The following FRMD4A variants were observed in gnomAD, a reference collection of about 807,000 sequenced individuals.
FRMD4A encodes the protein FERM domain-containing protein 4A.
FRMD4A carries 29 observed loss-of-function variants against 129.1 expected under a neutral mutation model. That is an observed-to-expected ratio of 0.22 (90% CI 0.17 to 0.31). The LOEUF (loss-of-function observed/expected upper bound fraction) is 0.31, where lower values mean the gene tolerates loss of function less well. Ranked by LOEUF, FRMD4A falls within the 10% of genes least tolerant of loss-of-function variation. The probability of loss-of-function intolerance (pLI) is 1.00; values close to 1 mark genes in which losing one functional copy is unlikely to be tolerated. For synonymous variants in FRMD4A, 634 were observed against 571.6 expected (o/e 1.11, Z -1.56); for missense variants, 1,272 against 1,375.8 (o/e 0.92, Z 1.19).
At position 13,657,177 on chromosome 10, in the gene FRMD4A, C is replaced by T; in HGVS notation, c.2412G>A (p.Leu804=). The T allele has an allele frequency of 6.7e-7, 1 of 1,499,894 alleles. No homozygotes were observed. Among genetic ancestry groups the T allele is most frequent in the Non-Finnish European group, 8.8e-7 (1 of 1,131,304 alleles). 92.9% of individuals were successfully genotyped at this position (1,499,894 alleles called of 1,614,324 possible). Residue 804 remains leucine, a synonymous_variant, in exon 22 of 25, where the codon CTG becomes CTA. Transcript: ENST00000357447. ...GSASSGSMPN[L]AARGGAGGAG... is the part of the protein sequence containing the mutation. Reference sequence around the variant, plus strand: ...CGCCCCCCGCACCCCCGCGCGCCGCCAGGTTGGGCATGCTGCCCGAGCTGG... The same window carrying T: ...CGCCCCCCGCACCCCCGCGCGCCGCTAGGTTGGGCATGCTGCCCGAGCTGG...
At chr10:13,928,451 C>T (rs992171707) in intron 2 of FRMD4A, among the ~76,000 whole-genome samples, 1 of 151,852 alleles carries the variant, frequency 6.6e-6, no homozygotes, top group African/African-American at 2.4e-5. Context: ...AAATTATTTA[C>T]ACAAGTATTT....
At chr10:13,977,800 C>T (rs957333612) in intron 2 of FRMD4A, among the ~76,000 whole-genome samples, 1 of 152,190 alleles carries the variant, frequency 6.6e-6, no homozygotes, top group African/African-American at 2.4e-5. Context: ...TTTCAAGATT[C>T]ATCCATATTG....
At chr10:13,786,321 A>T (rs941902539) in intron 5 of FRMD4A, among the ~76,000 whole-genome samples, 1 of 152,224 alleles carries the variant, frequency 6.6e-6, no homozygotes, top group Non-Finnish European at 1.5e-5. Flanking sequence ...TTTTCAAAAA[A>T]TAAATCTATA....
chr10:14,060,168 T>G (rs762571856), intron 2 of FRMD4A, among the ~76,000 whole-genome samples: 47 of 152,364 alleles, frequency 3.1e-4, no homozygotes, highest in Non-Finnish European at 6.0e-4. Flanking sequence ...TACAATACTT[T>G]CCATTTTCTG....
At chr10:14,196,881 G>A (rs1327356206) in intron 2 of FRMD4A, among the ~76,000 whole-genome samples, 1 of 152,212 alleles carries the variant, frequency 6.6e-6, no homozygotes, top group East Asian at 1.9e-4. Context: ...TTACCCTGGG[G>A]AGGAATGACA....
intron 2 of FRMD4A, among the ~76,000 whole-genome samples, chr10:14,053,143 G>A (rs1834344961): frequency 6.6e-6 from 1 of 152,144 alleles, no homozygotes; most frequent in Non-Finnish European, 1.5e-5. Context: ...GTGGGGCCAG[G>A]ACCACAAAAA....
chr10:14,256,126 T>C, intron 2 of FRMD4A, among the ~76,000 whole-genome samples: 1 of 152,266 alleles, frequency 6.6e-6, no homozygotes, highest in African/African-American at 2.4e-5. Context: ...AACATTTATG[T>C]TCCTATCTAC....
chr10:13,738,766 A>G (rs913233522), intron 11 of FRMD4A, among the ~76,000 whole-genome samples: 5 of 152,124 alleles, frequency 3.3e-5, no homozygotes, highest in African/African-American at 7.2e-5. Flanking sequence ...GATTACAGGC[A>G]CGTGCCACCA....
intron 2 of FRMD4A, among the ~76,000 whole-genome samples, chr10:14,223,763 AAGAGAG>A (rs796518106): frequency 2.2e-4 from 27 of 125,218 alleles, no homozygotes; most frequent in Admixed American, 9.7e-4. Context: ...AAAAAAAAAA[AAGAGAG>A]AGAGAGAGAG....
At chr10:13,844,972 A>T (rs772538927) in intron 3 of FRMD4A, among the ~76,000 whole-genome samples, 3 of 152,232 alleles carry the variant, frequency 2.0e-5, no homozygotes, top group Non-Finnish European at 4.4e-5. Context: ...CTGGTTGATA[A>T]GGGATACAGT....
intron 2 of FRMD4A, among the ~76,000 whole-genome samples, chr10:14,105,129 C>G (rs191785336): frequency 1.6e-4 from 25 of 152,340 alleles, no homozygotes; most frequent in African/African-American, 5.8e-4. Flanking sequence ...GGAGCCAAGC[C>G]TGGACCATAA....
intron 12 of FRMD4A, among the ~76,000 whole-genome samples, chr10:13,728,570 A>ATTATTTTTTTTTTTTTTTTT (rs1386167455): frequency 3.5e-5 from 1 of 28,708 alleles, no homozygotes. Flanking sequence ...GGTGATTACC[A>ATTATTTTTTTTTTTTTTTTT]TTCTTTTTTT....
At chr10:14,020,146 T>A (rs1439884498) in intron 2 of FRMD4A, among the ~76,000 whole-genome samples, 1 of 152,188 alleles carries the variant, frequency 6.6e-6, no homozygotes, top group African/African-American at 2.4e-5. Context: ...CTCTTGGCAT[T>A]GGTGCAGGAT....
At chr10:14,218,955 CAAAAAAAAAAAAAAAAAAAAA>C (rs56064346) in intron 2 of FRMD4A, among the ~76,000 whole-genome samples, 2 of 72,640 alleles carry the variant, frequency 2.8e-5, no homozygotes, top group Non-Finnish European at 4.7e-5. Flanking sequence ...GACTTCATCT[CAAAAAAAAAAAAAAAAAAAAA>C]AAAAAAAAAA....
chr10:14,047,281 T>C (rs1197871307), intron 2 of FRMD4A, among the ~76,000 whole-genome samples: 1 of 152,188 alleles, frequency 6.6e-6, no homozygotes, highest in Non-Finnish European at 1.5e-5. Flanking sequence ...GTGGGTGTGA[T>C]ATTGCCCACG....
chr10:13,858,848 T>A lies in FRMD4A; in HGVS notation c.110A>T (p.Gln37Leu). The A allele has an allele frequency of 6.3e-7, 1 of 1,582,508 alleles. No individual in the cohort carries two copies. Among genetic ancestry groups the A allele is most frequent in the Non-Finnish European group, 8.7e-7 (1 of 1,151,164 alleles). Residue 37 changes from glutamine to leucine, a missense_variant and splice_region_variant, in exon 3 of 25, where the codon CAG becomes CTG. Coordinates refer to ENST00000357447, the MANE Select transcript of FRMD4A (RefSeq NM_018027.5). ...LDDRKLELLV[Q>L]PKLLAKELLD... Reference sequence around the variant, plus strand: ...GAAAGTTGACCAAAAGCGATTTACCTGTACTAGGAGTTCCAGCTTCCTGTC... The same window carrying A: ...GAAAGTTGACCAAAAGCGATTTACCAGTACTAGGAGTTCCAGCTTCCTGTC...
At chr10:13,746,825 C>T (rs912395815) in intron 9 of FRMD4A, among the ~76,000 whole-genome samples, 1 of 152,190 alleles carries the variant, frequency 6.6e-6, no homozygotes, top group Non-Finnish European at 1.5e-5. Context: ...GATTTCAAAA[C>T]ATTATCCAGG....
At chr10:13,841,073 A>G (rs2093957427) in intron 3 of FRMD4A, among the ~76,000 whole-genome samples, 1 of 152,130 alleles carries the variant, frequency 6.6e-6, no homozygotes, top group Admixed American at 6.5e-5. Context: ...ATGCCATTGC[A>G]CTCCAGCCTG....
chr10:14,316,585 G>A (rs1424170697), intron 2 of FRMD4A, among the ~76,000 whole-genome samples: 1 of 151,376 alleles, frequency 6.6e-6, no homozygotes, highest in Non-Finnish European at 1.5e-5. Flanking sequence ...TTTTTCCTGG[G>A]GAGGGAAAGT....
Sources: gnomAD v4.1 joint callset for allele counts (sites outside exome capture counted in the v4.1 genomes callset) on GRCh38, gnomAD v4.1.1 for gene constraint, MANE v1.5 for transcripts, NCBI Gene and HGNC (gene_info 2026-07-23, HGNC 2026-07-21) for gene names.